The following DGKQ variants were observed in gnomAD, a reference collection of about 807,000 sequenced individuals.
The protein encoded by DGKQ is diacylglycerol kinase theta.
Under a neutral mutation model 104.2 loss-of-function variants are expected in DGKQ, and 97 were observed. That is an observed-to-expected ratio of 0.93 (90% CI 0.79 to 1.10). The LOEUF (loss-of-function observed/expected upper bound fraction) is 1.10. Ranked by LOEUF, DGKQ falls within the 50% of genes least tolerant of loss-of-function variation. The pLI is 0.00. For synonymous variants in DGKQ, 736 were observed against 595.2 expected, an observed-to-expected ratio of 1.24 and a Z score of -3.44; for missense variants, 1,465 against 1,352.1, an observed-to-expected ratio of 1.08 and a Z score of -1.31.
intron 8 of DGKQ, 31 bp downstream of exon 8, chr4:967,518 G>C (rs1712492693): frequency 6.2e-7 from 1 of 1,600,060 alleles, no homozygotes; most frequent in Non-Finnish European, 8.5e-7. Flanking sequence ...TCCTGGGAGG[G>C]GGCTCAGACC....
chr4:968,765 G>A (rs769676439), intron 3 of DGKQ, 46 bp downstream of exon 3: 64 of 1,540,236 alleles, frequency 4.2e-5, no homozygotes, highest in Non-Finnish European at 5.3e-5. Context: ...ACCCTGGGCA[G>A]CAGAGACCAG....
At chr4:964,276 C>T (rs1476587771) in intron 15 of DGKQ, among the ~76,000 whole-genome samples, 3 of 152,214 alleles carry the variant, frequency 2.0e-5, no homozygotes, top group Non-Finnish European at 4.4e-5. Context: ...ATCTCCCGTC[C>T]CAGCCACAGA....
In DGKQ at chr4:973,410, A is replaced by G. The variant is rs2153012150; in HGVS notation, c.73T>C (p.Cys25Arg). The stretch of plus-strand genomic sequence containing the variant: ...CCTCCTGAGCCCAGCACGGGGCTGC[A>G]GGCCGGGCTGCCGGGGCGCGGGGAG... Reference protein sequence around the residue: ...GGSPRPGSPACSPVLGSGGRA... With the variant: ...GGSPRPGSPARSPVLGSGGRA... The change falls in exon 1 of 23, where the codon TGC becomes CGC. Residue 25 changes from cysteine to arginine, a missense_variant. Coordinates refer to ENST00000273814, the MANE Select transcript of DGKQ (RefSeq NM_001347.4). 2.0e-6 allele frequency: 2 copies of G among 1,007,832 alleles called. No individual in the cohort carries two copies. The highest frequency in any genetic ancestry group is 1.7e-5 in the African/African-American group (1 of 57,214). The allele number at this position is 1,007,832 out of a possible 1,614,324, so 62.4% of individuals were successfully genotyped here. A position where few individuals can be genotyped will look rare whatever the true frequency, so the allele number is the denominator to read the frequency against.
intron 22 of DGKQ, 102 bp from the exon 23 acceptor site, chr4:960,823 T>A (rs909347297): frequency 2.6e-6 from 4 of 1,519,842 alleles, no homozygotes; most frequent in African/African-American, 2.7e-5. Context: ...TGATGCCATC[T>A]CAGCCCCATT....
intron 15 of DGKQ, 124 bp from the exon 16 acceptor site, chr4:963,414 G>A (rs1712043432): frequency 2.4e-6 from 2 of 838,200 alleles, no homozygotes; most frequent in Non-Finnish European, 1.8e-6. Flanking sequence ...CCCCTCCCCA[G>A]GAAGGCGTGG....
At chr4:967,083 C>T (rs1712426380) in intron 9 of DGKQ, 29 bp from the exon 10 acceptor site, 2 of 1,541,026 alleles carry the variant, frequency 1.3e-6, no homozygotes, top group South Asian at 1.2e-5. Context: ...AGCTGGAGCT[C>T]CCCCCACCCC....
At position 968,467 on chromosome 4, in the gene DGKQ, C is replaced by T; in HGVS notation, c.537+12G>A. The T allele has an allele frequency of 2.5e-6, 4 of 1,601,274 alleles. No individual in the cohort carries two copies. The highest frequency in any genetic ancestry group is 2.7e-5 in the African/African-American group (2 of 74,598). Reference sequence around the variant, plus strand: ...CCCACCCCCCAGGGCTCCCTGGGGCCGGTACACTCACGTGATCCTGGTGCC... The same window carrying T: ...CCCACCCCCCAGGGCTCCCTGGGGCTGGTACACTCACGTGATCCTGGTGCC... On this transcript the variant is annotated intron_variant, in intron 4 of 22. Transcript: ENST00000273814.
Position 969,653 on chromosome 4 carries a change from A to G in DGKQ, c.352-743T>C, listed in dbSNP as rs1048970319. ...GAGATGGAGTCTCGCTCTGTCGCCC[A>G]GGCTGGAGTGCAGTGGCGTGATCTC... is the stretch of plus-strand genomic sequence containing the variant. On this transcript the variant is annotated intron_variant, in intron 2 of 22. Transcript: ENST00000273814. Among the ~76,000 whole-genome samples the G allele has an allele frequency of 2.1e-4, 30 of 142,364 alleles. No homozygotes were observed. The East Asian group carries it at 5.0e-3, about 24-fold the overall frequency. 93.4% of individuals were successfully genotyped at this position (142,364 alleles called of 152,430 possible).
rs754016909 is a variant in DGKQ, at chr4:962,524, C to T, written c.2125G>A (p.Ala709Thr). The change falls in exon 18 of 23, where the codon GCC (alanine) becomes ACC (threonine). Residue 709 changes from alanine (A) to threonine (T), a missense_variant. Transcript: ENST00000273814. ...ATGGTCCAGCGGTCCATGAGCACGG[C>T]GTCGGCCTCGTCCACAGACAGCAGT... ...SVLLSVDEAD[A>T]VLMDRWTILL... is the part of the protein sequence containing the mutation. 6.1e-5 allele frequency: 99 copies of T among 1,609,880 alleles called. No individual in the cohort carries two copies. Among genetic ancestry groups the T allele is most frequent in the Non-Finnish European group, 7.8e-5 (92 of 1,179,934 alleles).
chr4:966,330 G>A, intron 12 of DGKQ, 136 bp downstream of exon 12: 1 of 1,013,236 alleles, frequency 9.9e-7, no homozygotes, highest in Non-Finnish European at 1.5e-6. Context: ...TCATGACGAG[G>A]GCGCTGCCCT....
intron 1 of DGKQ, 84 bp downstream of exon 1, chr4:973,128 C>G (rs1713066635): frequency 7.4e-7 from 1 of 1,354,304 alleles, no homozygotes; most frequent in Non-Finnish European, 9.5e-7. Flanking sequence ...CCCCCGAAAG[C>G]GCCGGTGCCA....
At chr4:966,171 G>T in intron 12 of DGKQ, 93 bp from the exon 13 acceptor site, 1 of 1,312,606 alleles carries the variant, frequency 7.6e-7, no homozygotes, top group Non-Finnish European at 1.1e-6. Context: ...GCAAAACAGG[G>T]CATCAGGAAC....
chr4:965,652 T>C, intron 13 of DGKQ, 123 bp from the exon 14 acceptor site: 1 of 1,125,198 alleles, frequency 8.9e-7, no homozygotes, highest in Non-Finnish European at 1.3e-6. Context: ...CCCCAGGAAG[T>C]ACCCCTGCCC....
intron 2 of DGKQ, among the ~76,000 whole-genome samples, chr4:970,761 T>G (rs550569540): frequency 6.6e-6 from 1 of 152,158 alleles, no homozygotes. Context: ...TTGAGCACAT[T>G]CTATGGACAG....
Position 968,360 on chromosome 4 carries a change from C to A in DGKQ, c.585G>T (p.Ala195=). 6.4e-7 allele frequency: 1 copy of A among 1,552,146 alleles called. No homozygotes were observed. The highest frequency in any genetic ancestry group is 1.9e-5 in the Admixed American group (1 of 51,832). Residue 195 remains alanine, a synonymous_variant, in exon 5 of 23, where the codon GCG becomes GCT. Transcript: ENST00000273814. ...HWREGNLPSG[A]RCEVCRKTCG... ...ACGTCTTCCTGCAGACCTCGCAGCG[C>A]GCTCCCGAGGGCAGGTTCCCCTCCC...
intron 15 of DGKQ, among the ~76,000 whole-genome samples, chr4:964,933 G>T (rs1712182987): frequency 6.6e-6 from 1 of 151,984 alleles, no homozygotes; most frequent in South Asian, 2.1e-4. Context: ...TCACCTACTG[G>T]GCAGCCTCGG....
chr4:967,173 C>G lies in DGKQ; in HGVS notation c.1176G>C (p.Leu392=), dbSNP rs1229409548. The change falls in exon 9 of 23, where the codon CTG becomes CTC. Residue 392 remains leucine (L), a synonymous_variant. Transcript: ENST00000273814. ...ATPEAWVIRA[L]PRAQEVLKIY... The stretch of plus-strand genomic sequence containing the variant: ...TCTTCAGGACCTCCTGGGCCCGCGG[C>G]AGAGCCCGGATGACCCAGGCCTCTG... The G allele has an allele frequency of 1.9e-6, 3 of 1,599,290 alleles. No homozygotes were observed. The highest frequency in any genetic ancestry group is 2.7e-5 in the African/African-American group (2 of 74,832).
intron 2 of DGKQ, 45 bp from the exon 3 acceptor site, chr4:968,955 G>C: frequency 2.3e-6 from 3 of 1,285,948 alleles, no homozygotes; most frequent in Non-Finnish European, 3.2e-6. Context: ...AGGGCAACAG[G>C]CTGCCCGCCA....
Position 973,197 on chromosome 4 carries a change from G to T in DGKQ, c.271+15C>A. ...CAGGGCTGCAGCCGGGTAGGCATCG[G>T]GCCCGGGCGCTCACCGTCGCACAGG... On this transcript the variant is annotated intron_variant, in intron 1 of 22. Transcript: ENST00000273814. 1 of 1,538,858 alleles carries T rather than the reference G, an allele frequency of 6.5e-7. No homozygotes were observed. Among genetic ancestry groups the T allele is most frequent in the South Asian group, 1.2e-5 (1 of 83,274 alleles).
Sources: allele counts gnomAD v4.1 joint callset (sites outside exome capture counted in the v4.1 genomes callset), GRCh38; gene constraint gnomAD v4.1.1; transcripts MANE v1.5; gene names NCBI Gene and HGNC (gene_info 2026-07-23, HGNC 2026-07-21).